Variants in TMEM232 observed in about 807,000 individuals in gnomAD.
The protein encoded by TMEM232 is transmembrane protein 232.
In TMEM232, 80 loss-of-function variants were observed where a neutral mutation model predicts 78.8. The ratio of observed to expected loss-of-function variants is 1.01; its 90% CI spans 0.85 to 1.22. TMEM232 has a LOEUF of 1.22. Among genes scored for constraint, TMEM232 ranks in the 50% most tolerant of loss-of-function variants. The pLI is 0.00. For synonymous variants in TMEM232, 297 were observed against 254.3 expected (o/e 1.17, Z -1.60); for missense variants, 881 against 742.2 (o/e 1.19, Z -2.17).
chr5:110,410,258 A>T (rs879800331), intron 2 of TMEM232, among the ~76,000 whole-genome samples: 1 of 152,248 alleles, frequency 6.6e-6, no homozygotes, highest in Non-Finnish European at 1.5e-5. Context: ...AGGCTAAAAC[A>T]TATTTTATTT....
At chr5:110,447,776 G>A (rs1258441094) in intron 12 of TMEM232, among the ~76,000 whole-genome samples, 1 of 151,992 alleles carries the variant, frequency 6.6e-6, no homozygotes, top group Admixed American at 6.6e-5. Context: ...CATAGTAAAA[G>A]CAGTTAAAGA....
At chr5:110,650,429 C>T (rs561952972) in intron 2 of TMEM232, among the ~76,000 whole-genome samples, 1 of 152,152 alleles carries the variant, frequency 6.6e-6, no homozygotes, top group South Asian at 2.1e-4. Context: ...AAAATAGTCA[C>T]TCTCAGTAAA....
At chr5:110,460,619 T>A (rs1761412730) in intron 12 of TMEM232, among the ~76,000 whole-genome samples, 1 of 152,092 alleles carries the variant, frequency 6.6e-6, no homozygotes, top group South Asian at 2.1e-4. Context: ...TATAGGCATA[T>A]TTCATTTTCT....
intron 2 of TMEM232, among the ~76,000 whole-genome samples, chr5:110,406,297 C>G (rs1755790677): frequency 6.7e-6 from 1 of 149,708 alleles, no homozygotes; most frequent in African/African-American, 2.5e-5. Context: ...CACACACACA[C>G]ACACACACAT....
chr5:110,701,336 A>G (rs1459496659), intron 1 of TMEM232, among the ~76,000 whole-genome samples: 1 of 151,984 alleles, frequency 6.6e-6, no homozygotes, highest in Non-Finnish European at 1.5e-5. Flanking sequence ...CCACTTTTGA[A>G]TATTAAACAA....
In TMEM232 at chr5:110,618,703, G is replaced by A. The variant is rs576447503; in HGVS notation, c.769-141C>T. The A allele has an allele frequency of 8.6e-6, 8 of 927,080 alleles. No homozygotes were observed. In the Admixed American group the frequency reaches 2.3e-4, roughly 26 times the overall value. 57.4% of individuals were successfully genotyped at this position (927,080 alleles called of 1,614,324 possible). A position where few individuals can be genotyped will look rare whatever the true frequency, so the allele number is the denominator to read the frequency against. On this transcript the variant is annotated intron_variant, in intron 7 of 13. Coordinates refer to ENST00000455884, the MANE Select transcript of TMEM232 (RefSeq NM_001039763.4). ...TCTTACACTTTATATTTCACCAAGT[G>A]GAGCAATTTACATAAGCATATTTTT...
intron 12 of TMEM232, among the ~76,000 whole-genome samples, chr5:110,490,346 A>T (rs1764952579): frequency 1.3e-5 from 2 of 152,156 alleles, no homozygotes; most frequent in African/African-American, 4.8e-5. Context: ...AAATTACAGA[A>T]TATCATTGAA....
intron 1 of TMEM232, among the ~76,000 whole-genome samples, chr5:110,700,794 A>G (rs377543086): frequency 4.9e-5 from 7 of 143,388 alleles, no homozygotes; most frequent in African/African-American, 1.8e-4. Context: ...AGGTAGATAG[A>G]TAGATAGATA....
At chr5:110,571,824 G>A (rs1472608359) in intron 10 of TMEM232, among the ~76,000 whole-genome samples, 3 of 151,856 alleles carry the variant, frequency 2.0e-5, no homozygotes, top group Non-Finnish European at 2.9e-5. Context: ...AAAAAAAATA[G>A]ATAAGGTACC....
chr5:110,618,333 C>A (rs1783202175), intron 8 of TMEM232, 96 bp downstream of exon 8: 5 of 1,450,324 alleles, frequency 3.4e-6, no homozygotes, highest in African/African-American at 1.4e-5. Flanking sequence ...TCATAGTCAA[C>A]TGAGGTGTGA....
At chr5:110,733,170 T>A (rs1055614721) in intron 2 of TMEM232, among the ~76,000 whole-genome samples, 9 of 151,752 alleles carry the variant, frequency 5.9e-5, no homozygotes, top group East Asian at 3.9e-4. Flanking sequence ...AAGTAAAAAA[T>A]AATAATAATA....
At chr5:110,427,162 T>A (rs13175497) in intron 12 of TMEM232, among the ~76,000 whole-genome samples, 13,579 of 151,894 alleles carry the variant, frequency 0.089, 759 homozygotes, top group South Asian at 0.17. Flanking sequence ...TGTCTAAGCA[T>A]ATAGGCTCTC....
intron 2 of TMEM232, among the ~76,000 whole-genome samples, chr5:110,731,762 G>A (rs533245836): frequency 2.0e-4 from 31 of 152,314 alleles, no homozygotes; most frequent in Admixed American, 5.2e-4. Flanking sequence ...TGTGATGGAA[G>A]GATGCCATGA....
chr5:110,541,527 T>C (rs1227263801), intron 11 of TMEM232, among the ~76,000 whole-genome samples: 1 of 152,116 alleles, frequency 6.6e-6, no homozygotes, highest in Non-Finnish European at 1.5e-5. Flanking sequence ...GCATGTCCTT[T>C]ATCTCCCAAA....
At chr5:110,516,099 C>T (rs112038276) in intron 12 of TMEM232, among the ~76,000 whole-genome samples, 2,862 of 152,134 alleles carry the variant, frequency 0.019, 97 homozygotes, top group African/African-American at 0.065. Context: ...ATTACCCGGG[C>T]GTGGTGGCAG....
upstream of TMEM232, among the ~76,000 whole-genome samples, chr5:110,728,710 A>G (rs1246971995): frequency 1.3e-5 from 2 of 148,536 alleles, no homozygotes; most frequent in Non-Finnish European, 3.0e-5. Flanking sequence ...TATTATATAT[A>G]TACCTATATA....
At chr5:110,692,814 G>C (rs1032582511) in intron 1 of TMEM232, among the ~76,000 whole-genome samples, 2 of 152,172 alleles carry the variant, frequency 1.3e-5, no homozygotes, top group Non-Finnish European at 2.9e-5. Flanking sequence ...AGCTTGAACT[G>C]GGTAGAGCCC....
rs1289189971 is a variant in TMEM232 at position 110,528,656 on chromosome 5, C to T, written c.1635G>A (p.Lys545=). ...FLPLKKPSIK[K]DQTKYPNKKL... is the part of the protein sequence containing the mutation. ...TTTTATTTGGATATTTTGTTTGATC[C>T]TTTTTTATTGATGGTTTCTTCAAAG... The change falls in exon 12 of 14, where the codon AAG becomes AAA. Residue 545 remains lysine (K), a synonymous_variant. Coordinates refer to ENST00000455884, the MANE Select transcript of TMEM232 (RefSeq NM_001039763.4). The T allele has an allele frequency of 1.4e-5, 21 of 1,533,784 alleles. No individual in the cohort carries two copies. Among genetic ancestry groups the T allele is most frequent in the Non-Finnish European group, 1.7e-5 (20 of 1,145,842 alleles).
chr5:110,490,678 T>A (rs1018461005), intron 12 of TMEM232, among the ~76,000 whole-genome samples: 3 of 151,986 alleles, frequency 2.0e-5, no homozygotes, highest in Non-Finnish European at 4.4e-5. Flanking sequence ...AAATAAACCA[T>A]CCATTTATGA....
Sources: allele counts gnomAD v4.1 joint callset (sites outside exome capture counted in the v4.1 genomes callset), GRCh38; gene constraint gnomAD v4.1.1; transcripts MANE v1.5; gene names NCBI Gene and HGNC (gene_info 2026-07-23, HGNC 2026-07-21).